Variants in GALNT18 observed in about 807,000 individuals in gnomAD.
The protein encoded by GALNT18 is polypeptide N-acetylgalactosaminyltransferase 18.
GALNT18 carries 44 observed loss-of-function variants against 69.5 expected under a neutral mutation model. The observed-to-expected ratio is 0.63, with a 90% CI of 0.50 to 0.81. GALNT18 has a LOEUF of 0.81. Ranked by LOEUF, GALNT18 falls within the 40% of genes least tolerant of loss-of-function variation. The pLI is 0.00. For synonymous variants in GALNT18, 364 were observed against 318.2 expected, an observed-to-expected ratio of 1.14 and a Z score of -1.53; for missense variants, 715 against 810.0, an observed-to-expected ratio of 0.88 and a Z score of 1.42.
Position 11,590,922 on chromosome 11 carries a change from G to C in GALNT18, c.235+30437C>G, listed in dbSNP as rs575867867. ...AATGATGATCAACAACTATGTTACT[G>C]GTTTATGTATTTACTATATTATATT... is the stretch of plus-strand genomic sequence containing the variant. On this transcript the variant is annotated intron_variant, in intron 1 of 10. Coordinates refer to ENST00000227756, the MANE Select transcript of GALNT18 (RefSeq NM_198516.3). The surrounding 1 kb of genome is among the most constrained non-coding windows in gnomAD (Gnocchi z 4.4). Among the ~76,000 whole-genome samples, 3 of 151,900 alleles carry C rather than the reference G, an allele frequency of 2.0e-5. No individual in the cohort carries two copies. The highest frequency in any genetic ancestry group is 2.0e-4 in the Admixed American group (3 of 15,246).
rs1393004764 is a variant in GALNT18 at position 11,389,567 on chromosome 11, G to A, written c.596-10303C>T. On this transcript the variant is annotated intron_variant, in intron 3 of 10. Transcript: ENST00000227756. This position sits in a 1 kb window ranked among gnomAD's most constrained non-coding sequence, Gnocchi z 4.3. ...AGGAGGGTATGCAGCAGGAATCACA[G>A]GACTTACTAAAAATGCCATGATAGG... 6.6e-6 allele frequency among the ~76,000 whole-genome samples: 1 copy of A among 152,164 alleles called. No individual in the cohort carries two copies. The highest frequency in any genetic ancestry group is 2.4e-5 in the African/African-American group (1 of 41,422).
Position 11,347,685 on chromosome 11 carries a change from T to TG in GALNT18, c.1093-6682dup, listed in dbSNP as rs1850327425. Reference sequence around the variant, plus strand: ...CTCTTAGCCCAGAAAGCCTCCTTCCTGCTCTCCACATCCATCCAAAGCCGG... The same window carrying TG: ...CTCTTAGCCCAGAAAGCCTCCTTCCTGGCTCTCCACATCCATCCAAAGCCGG... On this transcript the variant is annotated intron_variant, in intron 6 of 10. Transcript: ENST00000227756. This position sits in a 1 kb window ranked among gnomAD's most constrained non-coding sequence, Gnocchi z 4.0. 6.6e-6 allele frequency among the ~76,000 whole-genome samples: 1 copy of TG among 152,218 alleles called. No individual in the cohort carries two copies. Among genetic ancestry groups the TG allele is most frequent in the Non-Finnish European group, 1.5e-5 (1 of 68,044 alleles).
In GALNT18 at chr11:11,432,530, C is replaced by A. The variant is rs1589996756; in HGVS notation, c.595+91G>T. 1.5e-6 allele frequency: 2 copies of A among 1,311,548 alleles called. No individual in the cohort carries two copies. The highest frequency in any genetic ancestry group is 1.5e-5 in the African/African-American group (1 of 67,848). 81.2% of individuals were successfully genotyped at this position (1,311,548 alleles called of 1,614,324 possible). ...CCAGAGAAAGAGCAGCCACAGACAG[C>A]CTTGAGCAAATGTGAACCACGACGC... On this transcript the variant is annotated intron_variant, in intron 3 of 10. Transcript: ENST00000227756. This position sits in a 1 kb window ranked among gnomAD's most constrained non-coding sequence, Gnocchi z 5.8.
At chr11:11,416,724 A>G (rs186634408) in intron 3 of GALNT18, among the ~76,000 whole-genome samples, 166 of 152,298 alleles carry the variant, frequency 1.1e-3, no homozygotes, top group Non-Finnish European at 2.0e-3. Flanking sequence ...CACCACAGAC[A>G]TACTCCACAA....
At chr11:11,457,808 G>T (rs1379177773) in intron 1 of GALNT18, among the ~76,000 whole-genome samples, 1 of 152,148 alleles carries the variant, frequency 6.6e-6, no homozygotes, top group Non-Finnish European at 1.5e-5. Flanking sequence ...CACTGAGAAG[G>T]CTTTGAGGGT....
intron 10 of GALNT18, among the ~76,000 whole-genome samples, chr11:11,280,867 C>A (rs1224592388): frequency 1.3e-5 from 2 of 152,168 alleles, no homozygotes; most frequent in Non-Finnish European, 2.9e-5. Flanking sequence ...GGGTGCCCAT[C>A]CTGTCCCTTA....
chr11:11,549,390 C>T (rs937121277), intron 1 of GALNT18, among the ~76,000 whole-genome samples: 1 of 152,220 alleles, frequency 6.6e-6, no homozygotes, highest in Admixed American at 6.5e-5. Context: ...CGGCAGATGA[C>T]CTAAAAAGGC....
At chr11:11,526,952 C>T (rs919954261) in intron 1 of GALNT18, among the ~76,000 whole-genome samples, 1 of 152,176 alleles carries the variant, frequency 6.6e-6, no homozygotes. Flanking sequence ...GGGAGTCTTG[C>T]ACCTAGACTA....
chr11:11,470,563 C>T lies in GALNT18; in HGVS notation c.236-21627G>A, dbSNP rs184652486. On this transcript the variant is annotated intron_variant, in intron 1 of 10. Coordinates refer to ENST00000227756, the MANE Select transcript of GALNT18 (RefSeq NM_198516.3). This position sits in a 1 kb window ranked among gnomAD's most constrained non-coding sequence, Gnocchi z 4.8. ...TGGGGATAGTGATAGGATGACTAAT[C>T]GCTAGCTAATTTTGATCTTTTGATC... 3.9e-5 allele frequency among the ~76,000 whole-genome samples: 6 copies of T among 152,252 alleles called. No individual in the cohort carries two copies. The highest frequency in any genetic ancestry group is 7.2e-5 in the African/African-American group (3 of 41,568).
At chr11:11,535,285 G>GA (rs1309606437) in intron 1 of GALNT18, among the ~76,000 whole-genome samples, 2 of 152,210 alleles carry the variant, frequency 1.3e-5, no homozygotes, top group African/African-American at 4.8e-5. Flanking sequence ...CAGACATGGT[G>GA]ACCCCTGGTT....
chr11:11,445,271 C>T (rs1001368074), intron 2 of GALNT18, among the ~76,000 whole-genome samples: 3 of 152,192 alleles, frequency 2.0e-5, no homozygotes, highest in Non-Finnish European at 2.9e-5. Context: ...CTCCCCATGC[C>T]TCAGTTTCCT....
chr11:11,448,779 G>A lies in GALNT18; in HGVS notation c.393C>T (p.Pro131=), dbSNP rs140121216. 3,264 of 1,612,932 alleles carry A rather than the reference G, an allele frequency of 2.0e-3. 70 individuals carry two copies. The African/African-American group carries it at 0.039, about 19-fold the overall frequency. Residue 131 remains proline, a synonymous_variant, in exon 2 of 11, where the codon CCC becomes CCT. Transcript: ENST00000227756. ...TGAGGTCAGGCAGGGGCCGGTCCAG[G>A]GGCAGGCGGTCGCTGAGGTAGGCGT... The part of the protein sequence containing the change: ...GYNAYLSDRL[P]LDRPLPDLRP...
chr11:11,369,293 G>T (rs1382054661), intron 6 of GALNT18, among the ~76,000 whole-genome samples: 1 of 152,100 alleles, frequency 6.6e-6, no homozygotes, highest in Non-Finnish European at 1.5e-5. Flanking sequence ...ATATTGACTG[G>T]GCTATGTTCC....
intron 1 of GALNT18, among the ~76,000 whole-genome samples, chr11:11,522,090 C>T (rs867477651): frequency 1.3e-5 from 2 of 152,178 alleles, no homozygotes; most frequent in Non-Finnish European, 2.9e-5. Flanking sequence ...GACTTCTACC[C>T]ACCCTAGGAA....
intron 10 of GALNT18, among the ~76,000 whole-genome samples, chr11:11,285,184 C>T (rs373182860): frequency 1.3e-4 from 20 of 152,120 alleles, no homozygotes; most frequent in African/African-American, 2.9e-4. Context: ...CCCATTGCAG[C>T]GATCCACTGG....
chr11:11,525,204 G>A (rs1228577053), intron 1 of GALNT18, among the ~76,000 whole-genome samples: 2 of 152,116 alleles, frequency 1.3e-5, no homozygotes, highest in East Asian at 3.8e-4. Context: ...AGGAGATTTC[G>A]AAAGGCCCAG....
chr11:11,427,015 A>G (rs971679741), intron 3 of GALNT18, among the ~76,000 whole-genome samples: 3 of 152,208 alleles, frequency 2.0e-5, no homozygotes, highest in Non-Finnish European at 4.4e-5. Context: ...CCTGGGCTCA[A>G]GTGATCCTCC....
At chr11:11,455,886 T>C (rs1462332621) in intron 1 of GALNT18, among the ~76,000 whole-genome samples, 1 of 152,088 alleles carries the variant, frequency 6.6e-6, no homozygotes, top group African/African-American at 2.4e-5. Flanking sequence ...GCCTGGAGTT[T>C]AAGACCAGCC....
intron 10 of GALNT18, among the ~76,000 whole-genome samples, chr11:11,285,698 C>T (rs1462871767): frequency 6.6e-6 from 1 of 152,198 alleles, no homozygotes; most frequent in Non-Finnish European, 1.5e-5. Flanking sequence ...GTCTTTTCAA[C>T]ACAAAAGGTT....
Sources: allele counts gnomAD v4.1 joint callset (sites outside exome capture counted in the v4.1 genomes callset), GRCh38; gene constraint gnomAD v4.1.1; non-coding constraint Gnocchi (gnomAD v3.1); transcripts MANE v1.5; gene names NCBI Gene and HGNC (gene_info 2026-07-23, HGNC 2026-07-21).